The following RAP2A variants were observed in gnomAD, a reference collection of about 807,000 sequenced individuals.
RAP2A encodes ras-related protein Rap-2a.
Under a neutral mutation model 15.1 loss-of-function variants are expected in RAP2A, and 5 were observed. That is an observed-to-expected ratio of 0.33 (90% CI 0.17 to 0.70). The LOEUF is 0.70. RAP2A is among the 30% of genes least tolerant of loss of function. RAP2A has a pLI of 0.68. For missense variants in RAP2A, 111 were observed against 240.3 expected (o/e 0.46, Z 3.56); for synonymous variants, 110 against 99.7 (o/e 1.10, Z -0.62).
At chr13:97,462,553 G>C (rs2153180510) in intron 1 of RAP2A, among the ~76,000 whole-genome samples, 1 of 152,312 alleles carries the variant, frequency 6.6e-6, no homozygotes, top group Non-Finnish European at 1.5e-5. Flanking sequence ...TATGTTCAGA[G>C]CTGTCAGCAT....
In RAP2A at chr13:97,467,799, T is replaced by C. The variant is rs923478365; in HGVS notation, c.*3357T>C. The C allele has an allele frequency of 5.2e-5, 8 of 152,558 alleles. No individual in the cohort carries two copies. Among genetic ancestry groups the C allele is most frequent in the Admixed American group, 2.0e-4 (3 of 15,256 alleles). The allele number at this position is 152,558 out of a possible 1,614,324, so 9.5% of individuals were successfully genotyped here. On this transcript the variant is annotated 3_prime_UTR_variant, in exon 2 of 2. Transcript: ENST00000245304. Reference sequence around the variant, plus strand: ...ATTGATTTGAGGTTTCCCAGAGATATAGTTCACAGTTAATTGTTGCGCTCT... The same window carrying C: ...ATTGATTTGAGGTTTCCCAGAGATACAGTTCACAGTTAATTGTTGCGCTCT...
At chr13:97,439,738 A>G (rs1244466404) in intron 1 of RAP2A, among the ~76,000 whole-genome samples, 6 of 152,162 alleles carry the variant, frequency 3.9e-5, no homozygotes, top group Non-Finnish European at 8.8e-5. Flanking sequence ...ATGGCTAACA[A>G]TAGAAATGAG....
chr13:97,448,382 A>G (rs764446802), intron 1 of RAP2A, among the ~76,000 whole-genome samples: 12 of 152,210 alleles, frequency 7.9e-5, no homozygotes, highest in African/African-American at 1.9e-4. Flanking sequence ...GTATTTTACA[A>G]TATCCACAGT....
intron 1 of RAP2A, among the ~76,000 whole-genome samples, chr13:97,442,314 T>C (rs1020564396): frequency 2.1e-4 from 32 of 152,266 alleles, no homozygotes; most frequent in African/African-American, 5.5e-4. Flanking sequence ...TTTTGTTTTT[T>C]ATTTCTCTAA....
At chr13:97,434,917 A>C in intron 1 of RAP2A, 133 bp downstream of exon 1, 1 of 1,288,186 alleles carries the variant, frequency 7.8e-7, no homozygotes, top group Non-Finnish European at 1.0e-6. Flanking sequence ...TACTATTGTC[A>C]TTCTGCTCCT....
At chr13:97,459,149 T>C (rs1262463589) in intron 1 of RAP2A, among the ~76,000 whole-genome samples, 1 of 152,144 alleles carries the variant, frequency 6.6e-6, no homozygotes, top group Non-Finnish European at 1.5e-5. Flanking sequence ...CTGCTGATGT[T>C]TAAGATGTAA....
At chr13:97,448,422 G>C (rs185821443) in intron 1 of RAP2A, among the ~76,000 whole-genome samples, 1 of 152,028 alleles carries the variant, frequency 6.6e-6, no homozygotes, top group African/African-American at 2.4e-5. Flanking sequence ...GCTGTAGGGC[G>C]GGAGGCTGTA....
At chr13:97,440,304 C>T (rs968468091) in intron 1 of RAP2A, among the ~76,000 whole-genome samples, 1 of 151,864 alleles carries the variant, frequency 6.6e-6, no homozygotes, top group Admixed American at 6.6e-5. Context: ...ATATATATAA[C>T]ATGAAGAATT....
chr13:97,447,974 T>G (rs1413660746), intron 1 of RAP2A, among the ~76,000 whole-genome samples: 15 of 152,116 alleles, frequency 9.9e-5, no homozygotes, highest in Non-Finnish European at 2.1e-4. Flanking sequence ...TTCTTGGGTT[T>G]TTTTTTTTTT....
At chr13:97,453,951 T>C (rs550941039) in intron 1 of RAP2A, among the ~76,000 whole-genome samples, 1 of 151,492 alleles carries the variant, frequency 6.6e-6, no homozygotes, top group South Asian at 2.1e-4. Context: ...TCCTCTTCAG[T>C]GAAATGTCTA....
Position 97,447,197 on chromosome 13 carries a change from C to T in RAP2A, c.314+12413C>T, listed in dbSNP as rs375700280. Among the ~76,000 whole-genome samples the T allele has an allele frequency of 3.3e-5, 5 of 152,306 alleles. No individual in the cohort carries two copies. In the East Asian group the frequency reaches 7.7e-4, roughly 24 times the overall value. On this transcript the variant is annotated intron_variant, in intron 1 of 1. Transcript: ENST00000245304. Reference sequence around the variant, plus strand: ...CCGATGTCATTTGACCACTCTCACCCATGCATGATTAACTGTACTTTGAAG... The same window carrying T: ...CCGATGTCATTTGACCACTCTCACCTATGCATGATTAACTGTACTTTGAAG...
chr13:97,463,591 T>C (rs1314569190), intron 1 of RAP2A, among the ~76,000 whole-genome samples: 2 of 152,216 alleles, frequency 1.3e-5, no homozygotes, highest in Non-Finnish European at 2.9e-5. Flanking sequence ...ACTACCTTTT[T>C]TCTTGTTTGA....
intron 1 of RAP2A, among the ~76,000 whole-genome samples, chr13:97,448,652 A>G (rs1037119951): frequency 6.6e-6 from 1 of 152,206 alleles, no homozygotes; most frequent in Non-Finnish European, 1.5e-5. Flanking sequence ...CTTGTGGTAC[A>G]CTTCATCTTA....
At chr13:97,450,311 G>A (rs2066696880) in intron 1 of RAP2A, among the ~76,000 whole-genome samples, 1 of 152,104 alleles carries the variant, frequency 6.6e-6, no homozygotes, top group African/African-American at 2.4e-5. Context: ...CAAATAACTT[G>A]CCTATTCCTG....
intron 1 of RAP2A, among the ~76,000 whole-genome samples, chr13:97,461,702 G>T (rs533281560): frequency 6.6e-6 from 1 of 152,084 alleles, no homozygotes; most frequent in Non-Finnish European, 1.5e-5. Flanking sequence ...GGTGGCTCAC[G>T]CCTGTAATCC....
chr13:97,462,104 ATATT>A (rs772743420), intron 1 of RAP2A, among the ~76,000 whole-genome samples: 77 of 147,586 alleles, frequency 5.2e-4, no homozygotes, highest in Non-Finnish European at 6.1e-4. Context: ...ATTCTTTAAA[ATATT>A]TATCATTTAT....
At chr13:97,446,126 G>C (rs972427462) in intron 1 of RAP2A, among the ~76,000 whole-genome samples, 5 of 152,112 alleles carry the variant, frequency 3.3e-5, no homozygotes, top group Admixed American at 3.3e-4. Flanking sequence ...AAAGGTGACT[G>C]TATGTCTCTT....
Position 97,434,610 on chromosome 13 carries a change from A to C in RAP2A, c.140A>C (p.Asp47Ala), listed in dbSNP as rs769763617. 1.2e-6 allele frequency: 2 copies of C among 1,613,980 alleles called. No individual in the cohort carries two copies. The highest frequency in any genetic ancestry group is 1.7e-6 in the Non-Finnish European group (2 of 1,179,998). ...TTCTACCGCAAGGAGATCGAGGTGG[A>C]TTCGTCGCCGTCGGTGCTGGAGATC... ...EDFYRKEIEV[D>A]SSPSVLEILD... is the part of the protein sequence containing the mutation. The change falls in exon 1 of 2, where the codon GAT (aspartate) becomes GCT (alanine). Residue 47 changes from aspartate to alanine, a missense_variant. Physicochemically the swap from Asp to Ala is moderately radical, Grantham distance 126. This residue lies in a region of RAP2A where 17 missense variants were observed against 79.7 expected (regional missense o/e 0.21). Transcript: ENST00000245304.
At chr13:97,460,005 C>CA (rs1182844673) in intron 1 of RAP2A, among the ~76,000 whole-genome samples, 1 of 152,200 alleles carries the variant, frequency 6.6e-6, no homozygotes, top group African/African-American at 2.4e-5. Flanking sequence ...AGGCAGTTTT[C>CA]AGTATAGCCT....
Sources: allele counts gnomAD v4.1 joint callset (sites outside exome capture counted in the v4.1 genomes callset), GRCh38; gene constraint gnomAD v4.1.1; regional missense constraint gnomAD v4.1.1; transcripts MANE v1.5; gene names NCBI Gene and HGNC (gene_info 2026-07-23, HGNC 2026-07-21).